Variants in FMN2 observed in about 807,000 individuals in gnomAD.
The protein encoded by FMN2 is formin 2.
A neutral mutation model predicts 142.3 loss-of-function variants in FMN2; 51 were observed. The observed-to-expected ratio is 0.36, with a 90% confidence interval of 0.29 to 0.45. The LOEUF (loss-of-function observed/expected upper bound fraction) is 0.45, where lower values mean the gene tolerates loss of function less well. Among genes scored for constraint, FMN2 ranks in the 20% least tolerant of loss-of-function variants. The pLI is 1.00. For missense variants in FMN2, 1,936 were observed against 2,122.8 expected (o/e 0.91, Z 1.73); for synonymous variants, 882 against 869.8 (o/e 1.01, Z -0.25).
In FMN2 at chr1:240,262,856, G is replaced by A. The variant is rs533335861; in HGVS notation, c.4153+4824G>A. 8.6e-5 allele frequency among the ~76,000 whole-genome samples: 13 copies of A among 150,702 alleles called. No individual in the cohort carries two copies. The East Asian group carries it at 2.6e-3, about 30-fold the overall frequency. On this transcript the variant is annotated intron_variant, in intron 7 of 17. Coordinates refer to ENST00000319653, the MANE Select transcript of FMN2 (RefSeq NM_020066.5). ...GCTCACTACAATCTCCGCCTCCCAG[G>A]TTCAAGCAATTCTTATCCCTCAGCC...
At chr1:240,373,115 T>A (rs376593191) in intron 14 of FMN2, among the ~76,000 whole-genome samples, 1 of 149,154 alleles carries the variant, frequency 6.7e-6, no homozygotes, top group East Asian at 2.0e-4. Flanking sequence ...ACCCAGGAGG[T>A]GGAGTTTGCA....
chr1:240,400,798 C>G (rs971601620), intron 15 of FMN2: 1 of 151,952 alleles, frequency 6.6e-6, no homozygotes, highest in Non-Finnish European at 1.5e-5. Flanking sequence ...TACTTCCCCC[C>G]GACCACCACA....
chr1:240,470,826 T>C (rs1676783712), intron 16 of FMN2, among the ~76,000 whole-genome samples: 1 of 99,138 alleles, frequency 1.0e-5, no homozygotes, highest in South Asian at 2.9e-4. Flanking sequence ...TTGTCATAGC[T>C]CCCCTTTTTA....
chr1:240,449,372 C>T (rs1364735243), intron 16 of FMN2, among the ~76,000 whole-genome samples: 2 of 152,112 alleles, frequency 1.3e-5, no homozygotes, highest in Non-Finnish European at 2.9e-5. Context: ...AGGCTTTTTG[C>T]TTGCCATACA....
At chr1:240,319,018 AG>A (rs1413435556) in intron 8 of FMN2, among the ~76,000 whole-genome samples, 1 of 152,188 alleles carries the variant, frequency 6.6e-6, no homozygotes, top group Non-Finnish European at 1.5e-5. Context: ...CAGGTGAAAA[AG>A]TTGAGAAAGT....
intron 4 of FMN2, among the ~76,000 whole-genome samples, chr1:240,193,661 G>C (rs1343286471): frequency 6.6e-6 from 1 of 152,240 alleles, no homozygotes; most frequent in African/African-American, 2.4e-5. Context: ...CTGCCCTGGA[G>C]ACCCAGGTTT....
At chr1:240,148,888 C>T (rs1419125076) in intron 2 of FMN2, among the ~76,000 whole-genome samples, 1 of 151,874 alleles carries the variant, frequency 6.6e-6, no homozygotes, top group Non-Finnish European at 1.5e-5. Flanking sequence ...AGGAGAATGG[C>T]GTGAACCCGG....
At chr1:240,314,618 C>A (rs1463646744) in intron 8 of FMN2, among the ~76,000 whole-genome samples, 1 of 152,166 alleles carries the variant, frequency 6.6e-6, no homozygotes, top group African/African-American at 2.4e-5. Context: ...CTTTCATGTT[C>A]GTTTCATCCT....
At chr1:240,277,431 CCTTTT>C (rs1366664807) in intron 7 of FMN2, among the ~76,000 whole-genome samples, 1 of 134,190 alleles carries the variant, frequency 7.5e-6, no homozygotes, top group Non-Finnish European at 1.5e-5. Flanking sequence ...AACCTTTCTG[CCTTTT>C]CTTTTTTTTT....
intron 13 of FMN2, among the ~76,000 whole-genome samples, chr1:240,336,681 G>C (rs1671573664): frequency 6.6e-6 from 1 of 151,788 alleles, no homozygotes; most frequent in Non-Finnish European, 1.5e-5. Context: ...GAAATGCAAG[G>C]CTGGTGTACT....
At chr1:240,382,626 A>C (rs145924766) in intron 14 of FMN2, among the ~76,000 whole-genome samples, 3,451 of 152,076 alleles carry the variant, frequency 0.023, 65 homozygotes, top group Middle Eastern at 0.065. Context: ...GTGCCACTGC[A>C]CTCCAGCCTG....
chr1:240,152,739 C>A (rs1210991822), intron 2 of FMN2, among the ~76,000 whole-genome samples: 1 of 152,194 alleles, frequency 6.6e-6, no homozygotes, highest in Non-Finnish European at 1.5e-5. Context: ...CTCTACTAAG[C>A]AGATCCATGC....
intron 6 of FMN2, among the ~76,000 whole-genome samples, chr1:240,241,825 CTTTTTTTTTTTTTTTTTT>C (rs71567282): frequency 3.1e-5 from 3 of 96,198 alleles, no homozygotes; most frequent in Non-Finnish European, 6.4e-5. Flanking sequence ...GTGTGCCTTG[CTTTTTTTTTTTTTTTTTT>C]TTTTTTTTTT....
intron 4 of FMN2, among the ~76,000 whole-genome samples, chr1:240,195,864 T>TA (rs1178738648): frequency 1.1e-4 from 16 of 151,402 alleles, no homozygotes; most frequent in East Asian, 9.7e-4. Flanking sequence ...CCAATAATAA[T>TA]AAAAAAAACA....
rs141584733 is a variant in FMN2, at chr1:240,128,301, A to G, written c.1782+4956A>G. On this transcript the variant is annotated intron_variant, in intron 2 of 17. Coordinates refer to ENST00000319653, the MANE Select transcript of FMN2 (RefSeq NM_020066.5). ...GGGTCATATGCATATTTTCCAGCCAACCACACTTATCTTACATAATTGTTG... is the reference window on the plus strand; with the variant it reads ...GGGTCATATGCATATTTTCCAGCCAGCCACACTTATCTTACATAATTGTTG... 1.1e-3 allele frequency among the ~76,000 whole-genome samples: 162 copies of G among 152,254 alleles called. 1 individual carries two copies. The East Asian group carries it at 0.029, about 27-fold the overall frequency.
chr1:240,133,097 A>G (rs1036146520), intron 2 of FMN2, among the ~76,000 whole-genome samples: 2 of 152,220 alleles, frequency 1.3e-5, no homozygotes, highest in African/African-American at 4.8e-5. Flanking sequence ...CCTAACAAAG[A>G]ATTACAAAAT....
intron 16 of FMN2, among the ~76,000 whole-genome samples, chr1:240,446,538 A>T (rs1675821554): frequency 6.6e-6 from 1 of 152,210 alleles, no homozygotes; most frequent in East Asian, 1.9e-4. Flanking sequence ...GAAGATATTT[A>T]AAGTTACTCT....
chr1:240,457,033 C>T (rs72769805), intron 16 of FMN2, among the ~76,000 whole-genome samples: 26,526 of 151,902 alleles, frequency 0.17, 2,449 homozygotes, highest in Middle Eastern at 0.26. Context: ...TTTAGCTTCC[C>T]GCTCACCCTG....
chr1:240,187,269 C>CAAAAAAAAAAAA (rs10610560), intron 3 of FMN2, among the ~76,000 whole-genome samples: 2 of 83,794 alleles, frequency 2.4e-5, no homozygotes, highest in African/African-American at 4.6e-5. Context: ...AACTCCATCT[C>CAAAAAAAAAAAA]AAAAAAAAAA....
Sources: gnomAD v4.1 joint callset for allele counts (sites outside exome capture counted in the v4.1 genomes callset) on GRCh38, gnomAD v4.1.1 for gene constraint, MANE v1.5 for transcripts, NCBI Gene and HGNC (gene_info 2026-07-23, HGNC 2026-07-21) for gene names.